RIF1: variants seen among roughly 807,000 people sequenced by gnomAD.
RIF1 encodes the protein telomere-associated protein RIF1.
A neutral mutation model predicts 247.1 loss-of-function variants in RIF1; 45 were observed. The observed-to-expected ratio is 0.18, with a 90% CI of 0.14 to 0.23. RIF1 has a LOEUF of 0.23. Ranked by LOEUF, RIF1 falls within the 10% of genes least tolerant of loss-of-function variation. The pLI, the probability that RIF1 is intolerant of heterozygous loss-of-function variation, is 1.00. For missense variants in RIF1, 2,967 were observed against 2,862.5 expected (o/e 1.04, Z -0.83); for synonymous variants, 1,087 against 978.8 (o/e 1.11, Z -2.06).
At chr2:151,519,123 C>G in the RIF1 span, 1 of 1,155,814 alleles carries the variant, frequency 8.7e-7, no homozygotes, top group Non-Finnish European at 1.3e-6. Flanking sequence ...TGGAACAGCA[C>G]TAATGGAAAT....
chr2:151,500,509 T>C (rs2063608636), intron 11 of RIF1, among the ~76,000 whole-genome samples: 1 of 151,172 alleles, frequency 6.6e-6, no homozygotes, highest in African/African-American at 2.4e-5. Context: ...CTGATTTGTA[T>C]ATTAAAAAAA....
At chr2:151,449,995 C>T (rs1694008574) in intron 20 of RIF1, among the ~76,000 whole-genome samples, 3 of 152,074 alleles carry the variant, frequency 2.0e-5, no homozygotes, top group Non-Finnish European at 4.4e-5. Context: ...GCGTGTGCCA[C>T]CACGCCTGGC....
intron 3 of RIF1, among the ~76,000 whole-genome samples, chr2:151,412,309 GT>G (rs58883368): frequency 0.25 from 34,153 of 138,100 alleles, 4,609 homozygotes; most frequent in Admixed American, 0.4. Flanking sequence ...AATTTTTTTT[GT>G]TTGTTTTTAT....
At chr2:151,445,714 A>G (rs1328020177) in intron 19 of RIF1, among the ~76,000 whole-genome samples, 1 of 151,742 alleles carries the variant, frequency 6.6e-6, no homozygotes, top group Non-Finnish European at 1.5e-5. Context: ...CGCCCAGCTA[A>G]TTTTTGTATT....
At position 151,444,366 on chromosome 2, in the gene RIF1, G is replaced by A. The variant is rs181857823; in HGVS notation, c.1986+657G>A. Among the ~76,000 whole-genome samples the A allele has an allele frequency of 3.0e-3, 455 of 152,326 alleles. 2 individuals are homozygous for A. The highest frequency in any genetic ancestry group is 5.5e-3 in the Non-Finnish European group (375 of 68,032). On this transcript the variant is annotated intron_variant, in intron 18 of 35. Coordinates refer to ENST00000444746, the MANE Select transcript of RIF1 (RefSeq NM_018151.5). ...ACTCTGTCACCCAGGCTAGAGTACAGTGGCACGATCTTGGCTCACTGCAAC... is the reference window on the plus strand; with the variant it reads ...ACTCTGTCACCCAGGCTAGAGTACAATGGCACGATCTTGGCTCACTGCAAC...
intron 24 of RIF1, among the ~76,000 whole-genome samples, chr2:151,458,475 G>A (rs1695598351): frequency 1.3e-5 from 2 of 151,880 alleles, no homozygotes; most frequent in Non-Finnish European, 1.5e-5. Context: ...CTCGTTATCT[G>A]CGTGCCTCAG....
intron 9 of RIF1, chr2:151,493,432 T>C (rs1485856594): frequency 6.2e-7 from 1 of 1,601,150 alleles, no homozygotes; most frequent in South Asian, 1.1e-5. Context: ...TCTCATGTTC[T>C]CTTTGTACAA....
intron 9 of RIF1, among the ~76,000 whole-genome samples, chr2:151,487,778 T>A (rs890688585): frequency 6.6e-6 from 1 of 152,106 alleles, no homozygotes; most frequent in Non-Finnish European, 1.5e-5. Flanking sequence ...TATATATATA[T>A]GTATAAAATA....
rs780439412 is a variant in RIF1, at chr2:151,492,400, C to T, written c.*416-2829C>T. ...TTCCTGACTCACCGTTGAGATGTGC[C>T]GTTGGGTCTCCCTCACCCGTCTCAT... On this transcript the variant is annotated intron_variant and NMD_transcript_variant, in intron 9 of 13. Coordinates refer to the RIF1 transcript ENST00000454583. 1.2e-5 allele frequency: 20 copies of T among 1,604,366 alleles called. No individual in the cohort carries two copies. The East Asian group carries it at 1.6e-4, about 13-fold the overall frequency.
intron 11 of RIF1, among the ~76,000 whole-genome samples, chr2:151,502,110 A>G (rs916846378): frequency 1.3e-5 from 2 of 152,214 alleles, no homozygotes; most frequent in African/African-American, 4.8e-5. Context: ...TAAGTGAAGT[A>G]ACTCAGGAAT....
the RIF1 span, among the ~76,000 whole-genome samples, chr2:151,529,679 C>T: frequency 1.3e-5 from 2 of 152,092 alleles, no homozygotes; most frequent in Admixed American, 6.6e-5. Flanking sequence ...CACAGGCATG[C>T]GCCACCTCAC....
rs751057648 is a variant in RIF1 at position 151,460,013 on chromosome 2, A to G, written c.2969A>G (p.Gln990Arg). ...GPYSDGTENS[Q>R]LNVKISGMER... Reference sequence around the variant, plus strand: ...TTAATAAAACAGACAGAAAATTCACAACTAAATGTGAAGATAAGTGGCATG... The same window carrying G: ...TTAATAAAACAGACAGAAAATTCACGACTAAATGTGAAGATAAGTGGCATG... The change falls in exon 26 of 36, where the codon CAA (glutamine) becomes CGA (arginine). Residue 990 changes from glutamine to arginine, a missense_variant. By Grantham distance (43) the Gln-to-Arg change is conservative. Transcript: ENST00000444746. 12 of 1,539,946 alleles carry G rather than the reference A, an allele frequency of 7.8e-6. No individual in the cohort carries two copies. The highest frequency in any genetic ancestry group is 1.1e-5 in the Non-Finnish European group (12 of 1,136,768).
rs775053939 is a variant in RIF1, at chr2:151,463,671, C to A, written c.4151C>A (p.Ser1384Tyr). ...EEKNVEINLESKENTPPVVIS... is the reference protein window; with the variant it reads ...EEKNVEINLEYKENTPPVVIS... ...AAAAATGTAGAAATTAATTTGGAAT[C>A]CAAAGAGAATACACCCCCAGTAGTA... is the stretch of plus-strand genomic sequence containing the variant. Residue 1384 changes from serine to tyrosine, a missense_variant, in exon 30 of 36, where the codon TCC (serine) becomes TAC (tyrosine). This residue lies in a region of RIF1 where 2,028 missense variants were observed against 1,825.6 expected (regional missense o/e 1.11). Transcript: ENST00000444746. The A allele has an allele frequency of 5.0e-6, 8 of 1,613,752 alleles. No homozygotes were observed. Among genetic ancestry groups the A allele is most frequent in the Non-Finnish European group, 6.8e-6 (8 of 1,179,878 alleles).
At chr2:151,454,656 C>G (rs531369671) in intron 21 of RIF1, among the ~76,000 whole-genome samples, 1 of 152,144 alleles carries the variant, frequency 6.6e-6, no homozygotes, top group East Asian at 1.9e-4. Context: ...TTCTGGAATT[C>G]ATATTCATGA....
At chr2:151,510,196 A>G (rs533701247), downstream of RIF1, among the ~76,000 whole-genome samples, 105 of 151,908 alleles carry the variant, frequency 6.9e-4, no homozygotes, top group Admixed American at 3.7e-3. Context: ...AGGTTTGAGG[A>G]GTTTCTTCAG....
chr2:151,459,890 T>A, intron 25 of RIF1, 110 bp from the exon 26 acceptor site: 2 of 904,126 alleles, frequency 2.2e-6, no homozygotes, highest in Non-Finnish European at 3.3e-6. Flanking sequence ...ATTAGAAAAA[T>A]TTTGACAATA....
chr2:151,494,974 G>A (rs926590848), intron 9 of RIF1: 9 of 152,424 alleles, frequency 5.9e-5, no homozygotes, highest in African/African-American at 2.2e-4. Context: ...TTACTGGACT[G>A]TTTTGCAGCA....
intron 1 of RIF1, 110 bp from the exon 2 acceptor site, chr2:151,410,304 C>T (rs1016994291): frequency 2.1e-5 from 17 of 809,280 alleles, no homozygotes; most frequent in Non-Finnish European, 3.4e-5. Flanking sequence ...CGCGGCGTGG[C>T]TGTGAGGCCC....
In RIF1 at chr2:151,409,910, T is replaced by G; in HGVS notation, c.-134T>G. 1.4e-6 allele frequency: 1 copy of G among 698,492 alleles called. No homozygotes were observed. The highest frequency in any genetic ancestry group is 2.4e-4 in the Middle Eastern group (1 of 4,234). The allele number at this position is 698,492 out of a possible 1,614,324, so 43.3% of individuals were successfully genotyped here. A position where few individuals can be genotyped will look rare whatever the true frequency, so the allele number is the denominator to read the frequency against. On this transcript the variant is annotated 5_prime_UTR_variant, in exon 1 of 36. Coordinates refer to ENST00000444746, the MANE Select transcript of RIF1 (RefSeq NM_018151.5). ...CACTCCTGGGCCCGCCCAGCCGCCATCTTGGTCTAGGAGGGAGCGCGCCGC... is the reference window on the plus strand; with the variant it reads ...CACTCCTGGGCCCGCCCAGCCGCCAGCTTGGTCTAGGAGGGAGCGCGCCGC...
Sources: allele counts gnomAD v4.1 joint callset (sites outside exome capture counted in the v4.1 genomes callset), GRCh38; gene constraint gnomAD v4.1.1; regional missense constraint gnomAD v4.1.1; transcripts MANE v1.5; gene names NCBI Gene and HGNC (gene_info 2026-07-23, HGNC 2026-07-21).